SH3RF3: variants seen among roughly 807,000 people sequenced by gnomAD.
The protein encoded by SH3RF3 is SH3 domain containing ring finger 3.
SH3RF3 carries 29 observed loss-of-function variants against 66.3 expected under a neutral mutation model. The ratio of observed to expected loss-of-function variants is 0.44; its 90% confidence interval spans 0.33 to 0.60. The LOEUF (loss-of-function observed/expected upper bound fraction) is 0.60, where lower values mean the gene tolerates loss of function less well. SH3RF3 is among the 20% of genes least tolerant of loss of function. The pLI is 0.04. For synonymous variants in SH3RF3, 583 were observed against 532.0 expected (o/e 1.10, Z -1.32); for missense variants, 1,194 against 1,190.9 (o/e 1.00, Z -0.04).
intron 1 of SH3RF3, among the ~76,000 whole-genome samples, chr2:109,139,526 G>A (rs114479113): frequency 2.7e-3 from 407 of 152,156 alleles, no homozygotes; most frequent in African/African-American, 9.3e-3. Context: ...TATAGCAGAG[G>A]GAAAACTTCC....
chr2:109,394,283 G>T (rs906819220), intron 3 of SH3RF3, among the ~76,000 whole-genome samples: 2 of 152,244 alleles, frequency 1.3e-5, no homozygotes, highest in Non-Finnish European at 2.9e-5. Context: ...AGCCACTCGA[G>T]GTCACAGAGA....
chr2:109,379,087 C>T (rs148343087), intron 3 of SH3RF3, among the ~76,000 whole-genome samples: 177 of 152,292 alleles, frequency 1.2e-3, no homozygotes, highest in African/African-American at 4.1e-3. Flanking sequence ...TTATGGGCTC[C>T]GCCGCTCTTG....
At chr2:109,453,549 G>C (rs376751082) in intron 8 of SH3RF3, among the ~76,000 whole-genome samples, 2 of 152,128 alleles carry the variant, frequency 1.3e-5, no homozygotes, top group African/African-American at 4.8e-5. Flanking sequence ...AATGGGCTGC[G>C]TGCAGTTGGC....
chr2:109,413,297 A>G (rs1257905553), intron 4 of SH3RF3, among the ~76,000 whole-genome samples: 1 of 152,144 alleles, frequency 6.6e-6, no homozygotes, highest in Admixed American at 6.5e-5. Context: ...GTATTTTAGT[A>G]GAGACAGGGT....
Position 109,501,520 on chromosome 2 carries a change from C to T in SH3RF3, c.2498C>T (p.Ser833Leu), listed in dbSNP as rs1166098234. Residue 833 changes from serine to leucine, a missense_variant, in exon 10 of 10, where the codon TCG (serine) becomes TTG (leucine). Physicochemically the swap from Ser to Leu is moderately radical, Grantham distance 145. Transcript: ENST00000309415. Reference protein sequence around the residue: ...LPRERYRVVVSYPPQSEAEIE... With the variant: ...LPRERYRVVVLYPPQSEAEIE... ...TTCCCCAGGTACCGCGTGGTGGTCTCGTACCCACCCCAGAGTGAGGCGGAG... is the reference window on the plus strand; with the variant it reads ...TTCCCCAGGTACCGCGTGGTGGTCTTGTACCCACCCCAGAGTGAGGCGGAG... 2.6e-6 allele frequency: 2 copies of T among 778,558 alleles called. No individual in the cohort carries two copies. Among genetic ancestry groups the T allele is most frequent in the South Asian group, 1.4e-5 (1 of 73,862 alleles). The allele number at this position is 778,558 out of a possible 1,614,324, so 48.2% of individuals were successfully genotyped here. A position where few individuals can be genotyped will look rare whatever the true frequency, so the allele number is the denominator to read the frequency against.
chr2:109,173,122 T>A (rs1677826398), intron 1 of SH3RF3, among the ~76,000 whole-genome samples: 1 of 152,258 alleles, frequency 6.6e-6, no homozygotes, highest in African/African-American at 2.4e-5. Flanking sequence ...CATCTTTTTT[T>A]AACTCAAATT....
intron 8 of SH3RF3, among the ~76,000 whole-genome samples, chr2:109,489,613 G>A (rs982525606): frequency 3.3e-5 from 5 of 152,226 alleles, no homozygotes; most frequent in Admixed American, 6.5e-5. Context: ...GGGATGGCCC[G>A]TCAGCAGCAT....
At chr2:109,394,131 G>A (rs544934597) in intron 3 of SH3RF3, among the ~76,000 whole-genome samples, 1 of 152,316 alleles carries the variant, frequency 6.6e-6, no homozygotes, top group Admixed American at 6.5e-5. Context: ...CTGTTTAAAG[G>A]ATGGATGGAA....
rs561868416 is a variant in SH3RF3 at position 109,222,953 on chromosome 2, G to A, written c.573+92840G>A. 1.6e-4 allele frequency among the ~76,000 whole-genome samples: 24 copies of A among 152,332 alleles called. No homozygotes were observed. In the South Asian group the frequency reaches 4.1e-3, roughly 26 times the overall value. On this transcript the variant is annotated intron_variant, in intron 1 of 9. Transcript: ENST00000309415. ...TGGACCTGCCCCTGCCTGGGGCTAC[G>A]GTCCCCATACTCTCCCATCAACAGG...
intron 1 of SH3RF3, among the ~76,000 whole-genome samples, chr2:109,340,457 T>A (rs1682534565): frequency 6.6e-6 from 1 of 152,186 alleles, no homozygotes; most frequent in African/African-American, 2.4e-5. Context: ...CCAAGGACCA[T>A]GCATTGGTTC....
At chr2:109,333,018 C>T (rs749296637) in intron 1 of SH3RF3, among the ~76,000 whole-genome samples, 2 of 152,220 alleles carry the variant, frequency 1.3e-5, no homozygotes, top group African/African-American at 2.4e-5. Context: ...TATTCGTCTT[C>T]GGCAGCCTGG....
intron 1 of SH3RF3, among the ~76,000 whole-genome samples, chr2:109,141,129 A>T (rs1200329339): frequency 6.6e-6 from 1 of 152,148 alleles, no homozygotes; most frequent in Non-Finnish European, 1.5e-5. Flanking sequence ...AGGTGGAAAG[A>T]TGCAACCACA....
intron 5 of SH3RF3, 111 bp downstream of exon 5, chr2:109,419,753 G>A (rs1256659510): frequency 9.9e-7 from 1 of 1,006,176 alleles, no homozygotes; most frequent in Non-Finnish European, 1.5e-6. Flanking sequence ...GTTACTAGTT[G>A]GCCAGTATAG....
intron 1 of SH3RF3, 52 bp from the exon 2 acceptor site, chr2:109,347,622 G>A (rs1351487528): frequency 1.3e-6 from 2 of 1,585,208 alleles, no homozygotes; most frequent in African/African-American, 1.3e-5. Flanking sequence ...ATCCACTGTG[G>A]GGCATTGGGA....
intron 1 of SH3RF3, among the ~76,000 whole-genome samples, chr2:109,173,302 G>T (rs1677831582): frequency 6.6e-6 from 1 of 152,128 alleles, no homozygotes; most frequent in African/African-American, 2.4e-5. Flanking sequence ...GCCTGCACTT[G>T]CGTTTTCTCC....
At chr2:109,144,784 G>T (rs1677053198) in intron 1 of SH3RF3, among the ~76,000 whole-genome samples, 3 of 152,242 alleles carry the variant, frequency 2.0e-5, no homozygotes, top group Admixed American at 6.5e-5. Context: ...CAGGCACCAG[G>T]CTGGAGCCTG....
intron 1 of SH3RF3, among the ~76,000 whole-genome samples, chr2:109,260,595 G>T (rs1206583692): frequency 6.6e-6 from 1 of 152,208 alleles, no homozygotes; most frequent in Non-Finnish European, 1.5e-5. Context: ...TATGTGGAGT[G>T]CCTGATGCAG....
chr2:109,390,045 C>T (rs1303362139), intron 3 of SH3RF3, among the ~76,000 whole-genome samples: 2 of 152,164 alleles, frequency 1.3e-5, no homozygotes, highest in African/African-American at 2.4e-5. Context: ...TTAAAAATGG[C>T]CAGAAATCCA....
intron 2 of SH3RF3, 33 bp from the exon 3 acceptor site, chr2:109,371,553 A>G: frequency 1.3e-6 from 2 of 1,587,520 alleles, no homozygotes; most frequent in Non-Finnish European, 1.7e-6. Flanking sequence ...GTGTGTCCGT[A>G]TGCTTGTGTC....
Sources: allele counts gnomAD v4.1 joint callset (sites outside exome capture counted in the v4.1 genomes callset), GRCh38; gene constraint gnomAD v4.1.1; transcripts MANE v1.5; gene names NCBI Gene and HGNC (gene_info 2026-07-23, HGNC 2026-07-21).